Variants in ARHGEF11 observed in about 807,000 individuals in gnomAD.
ARHGEF11 encodes the protein Rho guanine exchange factor (GEF) 11.
A neutral mutation model predicts 193.7 loss-of-function variants in ARHGEF11; 55 were observed. That is an observed-to-expected ratio of 0.28 (90% CI 0.23 to 0.36). The LOEUF is 0.36. ARHGEF11 is among the 10% of genes least tolerant of loss of function. The pLI, the probability that ARHGEF11 is intolerant of heterozygous loss-of-function variation, is 1.00. For synonymous variants in ARHGEF11, 693 were observed against 768.0 expected (o/e 0.90, Z 1.62); for missense variants, 1,723 against 2,005.6 (o/e 0.86, Z 2.69).
At chr1:157,046,311 C>T (rs1480242639), upstream of ARHGEF11, among the ~76,000 whole-genome samples, 3 of 151,870 alleles carry the variant, frequency 2.0e-5, no homozygotes, top group Non-Finnish European at 4.4e-5. Context: ...GACTTCTGCT[C>T]GGGAGCCGAC....
chr1:156,945,210 A>T lies in ARHGEF11; in HGVS notation c.2813-13T>A. Reference sequence around the variant, plus strand: ...TCAGAGGTGCCACCTACCAAAATGGACAGAAGAGATGGTTGGGGCTCCTGC... The same window carrying T: ...TCAGAGGTGCCACCTACCAAAATGGTCAGAAGAGATGGTTGGGGCTCCTGC... On this transcript the variant is annotated splice_polypyrimidine_tract_variant and intron_variant, in intron 29 of 40. Coordinates refer to ENST00000368194, the MANE Select transcript of ARHGEF11 (RefSeq NM_198236.3). 1 of 1,611,566 alleles carries T rather than the reference A, an allele frequency of 6.2e-7. No individual in the cohort carries two copies. The highest frequency in any genetic ancestry group is 8.5e-7 in the Non-Finnish European group (1 of 1,178,524).
At chr1:157,027,014 A>G (rs1481582104) in intron 1 of ARHGEF11, among the ~76,000 whole-genome samples, 2 of 152,256 alleles carry the variant, frequency 1.3e-5, no homozygotes, top group Non-Finnish European at 2.9e-5. Flanking sequence ...CTAGCTGATT[A>G]AAGTTATTGG....
chr1:156,948,742 G>A lies in ARHGEF11; in HGVS notation c.1926-244C>T. On this transcript the variant is annotated intron_variant, in intron 22 of 40. Transcript: ENST00000368194. The surrounding 1 kb of genome is among the most constrained non-coding windows in gnomAD (Gnocchi z 4.2). ...ATGGATGGACAGTCATCTTCCTCTG[G>A]AGCTATTAGGAAGGGATCCTAACAG... The A allele has an allele frequency of 6.8e-7, 1 of 1,462,188 alleles. No individual in the cohort carries two copies. Among genetic ancestry groups the A allele is most frequent in the Non-Finnish European group, 9.1e-7 (1 of 1,104,780 alleles). 90.6% of individuals were successfully genotyped at this position (1,462,188 alleles called of 1,614,324 possible).
intron 1 of ARHGEF11, among the ~76,000 whole-genome samples, chr1:157,040,105 G>C (rs1672549080): frequency 1.3e-5 from 2 of 152,196 alleles, no homozygotes; most frequent in African/African-American, 2.4e-5. Context: ...AGTATCTGAA[G>C]TTAAGCTTAG....
intron 1 of ARHGEF11, among the ~76,000 whole-genome samples, chr1:157,003,770 T>C (rs1042009712): frequency 1.3e-5 from 2 of 152,212 alleles, no homozygotes; most frequent in Non-Finnish European, 2.9e-5. Context: ...TTTAGAATCC[T>C]GATGCTGACA....
Position 156,968,031 on chromosome 1 carries a change from T to A in ARHGEF11, c.919A>T (p.Arg307Trp). 6.2e-7 allele frequency: 1 copy of A among 1,614,218 alleles called. No individual in the cohort carries two copies. Among genetic ancestry groups the A allele is most frequent in the Non-Finnish European group, 8.5e-7 (1 of 1,180,022 alleles). ...ACTGCTGCATCCGAGCCCTGCCGCC[T>A]GTGGTGCTGGGCCACCCTGGCCATG... is the stretch of plus-strand genomic sequence containing the variant. Reference protein sequence around the residue: ...VIMARVAQHHRRQGSDAAVPS... With the variant: ...VIMARVAQHHWRQGSDAAVPS... The change falls in exon 11 of 41, where the codon AGG (arginine) becomes TGG (tryptophan). Residue 307 changes from arginine (R) to tryptophan (W), a missense_variant. Coordinates refer to ENST00000368194, the MANE Select transcript of ARHGEF11 (RefSeq NM_198236.3).
At chr1:156,953,613 G>A (rs771661479) in intron 21 of ARHGEF11, among the ~76,000 whole-genome samples, 1 of 151,926 alleles carries the variant, frequency 6.6e-6, no homozygotes, top group African/African-American at 2.4e-5. Flanking sequence ...ATTTTTAATT[G>A]TCACTTTTAC....
At chr1:157,033,032 T>C (rs1378022732) in intron 1 of ARHGEF11, among the ~76,000 whole-genome samples, 2 of 152,114 alleles carry the variant, frequency 1.3e-5, no homozygotes, top group Non-Finnish European at 2.9e-5. Context: ...CTCTACACCC[T>C]GCCCCTGGAC....
chr1:156,939,849 C>T lies in ARHGEF11; in HGVS notation c.3795G>A (p.Gln1265=), dbSNP rs757172810. The change falls in exon 37 of 41, where the codon CAG becomes CAA. Residue 1265 remains glutamine, a synonymous_variant. Coordinates refer to ENST00000368194, the MANE Select transcript of ARHGEF11 (RefSeq NM_198236.3). ...SLLPGHTMET[Q]AAQEPEDDLT... is the part of the protein sequence containing the mutation. The stretch of plus-strand genomic sequence containing the variant: ...GGTCGTCCTCGGGCTCCTGGGCAGC[C>T]TGAGTTTCCATGGTGTGACCTGGCA... 3.1e-6 allele frequency: 5 copies of T among 1,612,034 alleles called. No individual in the cohort carries two copies.
At chr1:157,011,513 G>C (rs1250519242) in intron 1 of ARHGEF11, among the ~76,000 whole-genome samples, 1 of 152,198 alleles carries the variant, frequency 6.6e-6, no homozygotes, top group East Asian at 1.9e-4. Context: ...AAACCTTTGT[G>C]CTTCAAAGGA....
At chr1:157,026,976 G>A (rs1231233090) in intron 1 of ARHGEF11, among the ~76,000 whole-genome samples, 1 of 152,202 alleles carries the variant, frequency 6.6e-6, no homozygotes, top group African/African-American at 2.4e-5. Context: ...AATTTTTAAT[G>A]CCGAGAGAAC....
At chr1:156,963,492 T>C in intron 12 of ARHGEF11, 28 bp downstream of exon 12, 1 of 1,605,876 alleles carries the variant, frequency 6.2e-7, no homozygotes, top group Non-Finnish European at 8.5e-7. Context: ...AAAAAAATGA[T>C]GAAAGGAGAA....
chr1:156,996,760 G>A (rs1447572393), intron 1 of ARHGEF11, among the ~76,000 whole-genome samples: 13 of 109,984 alleles, frequency 1.2e-4, no homozygotes, highest in Admixed American at 6.7e-4. Context: ...GCGACAGAGC[G>A]AGACTCTGTC....
chr1:156,954,150 C>T (rs1273459306), intron 21 of ARHGEF11, among the ~76,000 whole-genome samples: 1 of 152,010 alleles, frequency 6.6e-6, no homozygotes, highest in African/African-American at 2.4e-5. Context: ...GAGGCCAAGG[C>T]GGGCGGATCG....
intron 1 of ARHGEF11, among the ~76,000 whole-genome samples, chr1:157,013,712 T>C (rs1668853542): frequency 6.6e-6 from 1 of 152,134 alleles, no homozygotes; most frequent in Non-Finnish European, 1.5e-5. Flanking sequence ...AATCTTGACA[T>C]TGCTCACAAT....
At chr1:156,969,876 AT>A in intron 9 of ARHGEF11, 121 bp downstream of exon 9, 1 of 963,802 alleles carries the variant, frequency 1.0e-6, no homozygotes, top group Non-Finnish European at 1.6e-6. Context: ...CCATTATTTC[AT>A]TTCTCAGAGG....
intron 22 of ARHGEF11, chr1:156,949,141 A>T (rs759282655): frequency 2.0e-6 from 2 of 983,588 alleles, no homozygotes; most frequent in Non-Finnish European, 2.4e-6. Flanking sequence ...CTAAGATTCC[A>T]TTTCCTCTCA....
intron 7 of ARHGEF11, among the ~76,000 whole-genome samples, chr1:156,974,168 A>G (rs1015215388): frequency 6.6e-6 from 1 of 152,104 alleles, no homozygotes; most frequent in Non-Finnish European, 1.5e-5. Context: ...CCTGGGCTTA[A>G]GCGGTCCTCC....
At chr1:156,996,459 C>T (rs1205368266) in intron 1 of ARHGEF11, among the ~76,000 whole-genome samples, 2 of 151,894 alleles carry the variant, frequency 1.3e-5, no homozygotes, top group Non-Finnish European at 1.5e-5. Flanking sequence ...CACAGGGACT[C>T]TGGGGAGGCT....
Sources: gnomAD v4.1 joint callset for allele counts (sites outside exome capture counted in the v4.1 genomes callset) on GRCh38, gnomAD v4.1.1 for gene constraint, Gnocchi (gnomAD v3.1) non-coding constraint, MANE v1.5 for transcripts, NCBI Gene and HGNC (gene_info 2026-07-23, HGNC 2026-07-21) for gene names.